TIA1: variants seen among roughly 807,000 people sequenced by gnomAD.
TIA1 encodes cytotoxic granule associated RNA binding protein TIA1.
TIA1 carries 23 observed loss-of-function variants against 65.9 expected under a neutral mutation model. The ratio of observed to expected loss-of-function variants is 0.35; its 90% CI spans 0.25 to 0.49. The LOEUF is 0.49. Ranked by LOEUF, TIA1 falls within the 20% of genes least tolerant of loss-of-function variation. TIA1 has a pLI of 0.98. For missense variants in TIA1, 371 were observed against 477.9 expected (o/e 0.78, Z 2.09); for synonymous variants, 147 against 149.4 (o/e 0.98, Z 0.12).
chr2:70,246,088 T>C (rs1694180792), intron 1 of TIA1, among the ~76,000 whole-genome samples: 1 of 152,172 alleles, frequency 6.6e-6, no homozygotes, highest in Non-Finnish European at 1.5e-5. Flanking sequence ...CATGCTCAGT[T>C]AATTTTTGTA....
At chr2:70,240,709 A>C (rs1303639563) in intron 1 of TIA1, among the ~76,000 whole-genome samples, 2 of 152,172 alleles carry the variant, frequency 1.3e-5, no homozygotes, top group African/African-American at 4.8e-5. Flanking sequence ...TCTCTACTAC[A>C]ATAAATACAA....
At chr2:70,214,630 GCT>G in intron 11 of TIA1, 136 bp from the exon 12 acceptor site, 2 of 444,090 alleles carry the variant, frequency 4.5e-6, no homozygotes, top group Non-Finnish European at 7.0e-6. Context: ...AGAGTTGACT[GCT>G]AAAAAAAAAA....
At chr2:70,226,228 T>C (rs931124151) in intron 6 of TIA1, among the ~76,000 whole-genome samples, 19 of 152,036 alleles carry the variant, frequency 1.2e-4, no homozygotes, top group African/African-American at 3.1e-4. Flanking sequence ...AGAAATATAT[T>C]TAAGAGAAAA....
At chr2:70,242,268 C>G (rs1265566108) in intron 1 of TIA1, among the ~76,000 whole-genome samples, 1 of 151,970 alleles carries the variant, frequency 6.6e-6, no homozygotes, top group Non-Finnish European at 1.5e-5. Flanking sequence ...AGCGGTGGCT[C>G]ACGCCTGTAA....
At chr2:70,217,316 C>A (rs1021091853) in intron 7 of TIA1, among the ~76,000 whole-genome samples, 6 of 152,162 alleles carry the variant, frequency 3.9e-5, no homozygotes, top group Non-Finnish European at 7.3e-5. Flanking sequence ...GGATTACAGG[C>A]ATCTGCCACC....
intron 5 of TIA1, among the ~76,000 whole-genome samples, chr2:70,228,026 G>A (rs1056693746): frequency 1.3e-5 from 2 of 152,042 alleles, no homozygotes; most frequent in African/African-American, 4.8e-5. Flanking sequence ...CTCCTGAAAC[G>A]ACTGTGATAC....
chr2:70,231,849 A>G (rs1013324022), intron 2 of TIA1, among the ~76,000 whole-genome samples: 1 of 152,212 alleles, frequency 6.6e-6, no homozygotes, highest in Non-Finnish European at 1.5e-5. Context: ...AAATTTTAGA[A>G]TAAGTTTTAG....
chr2:70,217,053 T>C, intron 7 of TIA1, 59 bp from the exon 8 acceptor site: 1 of 1,496,034 alleles, frequency 6.7e-7, no homozygotes, highest in Non-Finnish European at 8.9e-7. Flanking sequence ...GTTAAACAAC[T>C]CTTAGCAGTA....
chr2:70,239,363 A>G (rs578025576), intron 1 of TIA1, among the ~76,000 whole-genome samples: 35 of 152,274 alleles, frequency 2.3e-4, no homozygotes, highest in African/African-American at 8.4e-4. Flanking sequence ...AAGTGTTTGG[A>G]TTACAGGCGT....
chr2:70,231,600 T>G (rs917440617), intron 2 of TIA1, among the ~76,000 whole-genome samples: 1 of 152,208 alleles, frequency 6.6e-6, no homozygotes, highest in Non-Finnish European at 1.5e-5. Context: ...ATATAACCAT[T>G]TGTTCAAGCT....
At chr2:70,231,291 G>C (rs1390607128) in intron 2 of TIA1, among the ~76,000 whole-genome samples, 2 of 152,120 alleles carry the variant, frequency 1.3e-5, no homozygotes, top group Non-Finnish European at 2.9e-5. Flanking sequence ...GACAGAGCAA[G>C]ACTCCGTCTC....
intron 12 of TIA1, among the ~76,000 whole-genome samples, chr2:70,213,799 G>C (rs943739244): frequency 1.3e-5 from 2 of 151,920 alleles, no homozygotes; most frequent in Non-Finnish European, 2.9e-5. Flanking sequence ...CTACTGGTGT[G>C]CACCACTACA....
rs144296151 is a variant in TIA1, at chr2:70,215,379, C to G, written c.880G>C (p.Val294Leu). The change falls in exon 11 of 13, where the codon GTG (valine) becomes CTG (leucine). Residue 294 changes from valine (V) to leucine (L), a missense_variant. Transcript: ENST00000433529. ...GKETLDMINPVQQQNQIGYPQ... is the reference protein window; with the variant it reads ...GKETLDMINPLQQQNQIGYPQ... ...GTTAAGAACCCTCTCACCTGTTGCACGGGATTTATCATATCAAGAGTTTCT... is the reference window on the plus strand; with the variant it reads ...GTTAAGAACCCTCTCACCTGTTGCAGGGGATTTATCATATCAAGAGTTTCT... 6 of 1,613,884 alleles carry G rather than the reference C, an allele frequency of 3.7e-6. No individual in the cohort carries two copies.
intron 1 of TIA1, among the ~76,000 whole-genome samples, chr2:70,245,427 T>C (rs1443028522): frequency 6.6e-6 from 1 of 152,212 alleles, no homozygotes; most frequent in Admixed American, 6.6e-5. Flanking sequence ...TATTAAGGTG[T>C]CTGGATTTGA....
chr2:70,229,001 G>A (rs1684944549), intron 5 of TIA1, 58 bp downstream of exon 5: 5 of 1,419,306 alleles, frequency 3.5e-6, no homozygotes, highest in Non-Finnish European at 4.6e-6. Flanking sequence ...AAAACTTCAG[G>A]TGGTTAGTGA....
chr2:70,244,248 G>A (rs1458845711), intron 1 of TIA1, among the ~76,000 whole-genome samples: 2 of 152,060 alleles, frequency 1.3e-5, no homozygotes, highest in African/African-American at 2.4e-5. Context: ...ATCAAAGGAT[G>A]ACCTTCCTTT....
chr2:70,232,226 G>GA (rs1188116196), intron 2 of TIA1, among the ~76,000 whole-genome samples: 6 of 117,290 alleles, frequency 5.1e-5, no homozygotes, highest in Non-Finnish European at 1.1e-4. Context: ...AAAAAAAAAA[G>GA]AAAAAAGAAA....
In TIA1 at chr2:70,212,694, T is replaced by A. The variant is rs1251117404; in HGVS notation, c.*25A>T. The A allele has an allele frequency of 6.7e-7, 1 of 1,487,518 alleles. No individual in the cohort carries two copies. Among genetic ancestry groups the A allele is most frequent in the Non-Finnish European group, 9.4e-7 (1 of 1,064,632 alleles). 92.1% of individuals were successfully genotyped at this position (1,487,518 alleles called of 1,614,324 possible). On this transcript the variant is annotated 3_prime_UTR_variant, in exon 13 of 13. Transcript: ENST00000433529. ...TACACTCCCTGTAGCCTCAAGCCAC[T>A]GGCTTTAGATTCTGGAGTCCTTATT...
In TIA1 at chr2:70,248,441, G is replaced by A. The variant is rs768348000; in HGVS notation, c.-11C>T. ...CATCTCGTCCTCCATGGCTGCTGCT[G>A]TCGCGGCGGCGCCTCCAGGTCCAGC... On this transcript the variant is annotated 5_prime_UTR_variant, in exon 1 of 13. Coordinates refer to ENST00000433529, the MANE Select transcript of TIA1 (RefSeq NM_022173.4). 3.1e-6 allele frequency: 5 copies of A among 1,600,800 alleles called. No individual in the cohort carries two copies. Among genetic ancestry groups the A allele is most frequent in the East Asian group, 2.2e-5 (1 of 44,872 alleles).
Sources: allele counts gnomAD v4.1 joint callset (sites outside exome capture counted in the v4.1 genomes callset), GRCh38; gene constraint gnomAD v4.1.1; transcripts MANE v1.5; gene names NCBI Gene and HGNC (gene_info 2026-07-23, HGNC 2026-07-21).